WNT11: variants seen among roughly 807,000 people sequenced by gnomAD.
WNT11 encodes the protein protein Wnt-11.
WNT11 carries 20 observed loss-of-function variants against 35.6 expected under a neutral mutation model. That is an observed-to-expected ratio of 0.56 (90% CI 0.40 to 0.82). WNT11 has a LOEUF of 0.82. Ranked by LOEUF, WNT11 falls within the 40% of genes least tolerant of loss-of-function variation. The pLI is 0.00. For missense variants in WNT11, 459 were observed against 504.4 expected, an observed-to-expected ratio of 0.91 and a Z score of 0.86; for synonymous variants, 200 against 211.9, an observed-to-expected ratio of 0.94 and a Z score of 0.49.
chr11:76,200,520 G>T (rs10899176), intron 1 of WNT11, among the ~76,000 whole-genome samples: 49,870 of 152,086 alleles, frequency 0.33, 8,326 homozygotes, highest in Non-Finnish European at 0.37. Context: ...TATGGGCATG[G>T]CCCTTCCCGG....
chr11:76,186,679 CA>C lies in WNT11; in HGVS notation c.*385del, dbSNP rs1953098258. 2.8e-6 allele frequency: 1 copy of C among 359,412 alleles called. No individual in the cohort carries two copies. Among genetic ancestry groups the C allele is most frequent in the South Asian group, 2.2e-5 (1 of 46,340 alleles). The allele number at this position is 359,412 out of a possible 1,614,324, so 22.3% of individuals were successfully genotyped here. A position where few individuals can be genotyped will look rare whatever the true frequency, so the allele number is the denominator to read the frequency against. ...AGCAGGCTCAGACCCCAGGGTGGGC[CA>C]GGGGGTCCCGCAGAACATTCTGAAG... On this transcript the variant is annotated 3_prime_UTR_variant, in exon 5 of 5. Coordinates refer to ENST00000322563, the MANE Select transcript of WNT11 (RefSeq NM_004626.3).
At position 76,194,832 on chromosome 11, in the gene WNT11, G is replaced by T; in HGVS notation, c.332C>A (p.Ser111Ter). 1 of 1,517,874 alleles carries T rather than the reference G, an allele frequency of 6.6e-7. No individual in the cohort carries two copies. Among genetic ancestry groups the T allele is most frequent in the Non-Finnish European group, 8.8e-7 (1 of 1,139,398 alleles). 94.0% of individuals were successfully genotyped at this position (1,517,874 alleles called of 1,614,324 possible). A position where few individuals can be genotyped will look rare whatever the true frequency, so the allele number is the denominator to read the frequency against. ...GGCCGACAGCGCATACACGAAGGCC[G>T]ACTCCCGGGTCCCTGAGGGTGGGAG... Reference protein sequence around the residue: ...LLDLERGTRESAFVYALSAAA... With the variant: ...LLDLERGTRE The change falls in exon 3 of 5, where the codon TCG (serine) becomes TAG (stop). Residue 111 changes from serine to a stop codon, truncating the protein, a stop_gained. Transcript: ENST00000322563. LOFTEE classifies it high-confidence loss of function. The surrounding 1 kb of genome is among the most constrained non-coding windows in gnomAD (Gnocchi z 5.4).
Position 76,187,247 on chromosome 11 carries a change from G to C in WNT11, c.891-8C>G, listed in dbSNP as rs564918906. The C allele has an allele frequency of 1.3e-6, 2 of 1,599,650 alleles. No homozygotes were observed. The highest frequency in any genetic ancestry group is 2.2e-5 in the South Asian group (2 of 91,028). Reference sequence around the variant, plus strand: ...GATGTCTTGTTGCACTGCCTATTGTGGGGGCAGGAAGGAGGTCAGTGCATG... The same window carrying C: ...GATGTCTTGTTGCACTGCCTATTGTCGGGGCAGGAAGGAGGTCAGTGCATG... On this transcript the variant is annotated splice_region_variant and splice_polypyrimidine_tract_variant and intron_variant, in intron 4 of 4. Coordinates refer to ENST00000322563, the MANE Select transcript of WNT11 (RefSeq NM_004626.3).
Position 76,204,477 on chromosome 11 carries a change from G to A in WNT11, c.83+1848C>T, listed in dbSNP as rs142218767. Among the ~76,000 whole-genome samples the A allele has an allele frequency of 6.6e-5, 10 of 152,238 alleles. No individual in the cohort carries two copies. The South Asian group carries it at 8.3e-4, about 13-fold the overall frequency. On this transcript the variant is annotated intron_variant, in intron 1 of 4. Transcript: ENST00000322563. ...GCCTAGGACGCCTGCTTTGCACTCC[G>A]TCTCTGACCATCCAAATCCTCCCTG...
upstream of WNT11, among the ~76,000 whole-genome samples, chr11:76,207,552 T>G (rs1040458504): frequency 6.6e-6 from 1 of 151,634 alleles, no homozygotes; most frequent in African/African-American, 2.4e-5. Context: ...CTCGGGGCCC[T>G]GCTTTCTCGG....
At chr11:76,206,125 CACT>C (rs1953467979) in intron 1 of WNT11, among the ~76,000 whole-genome samples, 197 bp downstream of exon 1, 1 of 150,262 alleles carries the variant, frequency 6.7e-6, no homozygotes, top group Admixed American at 6.7e-5. Flanking sequence ...ACGCCCGTCT[CACT>C]CCCTTTTCGC....
chr11:76,186,370 C>T lies in WNT11; in HGVS notation c.*695G>A, dbSNP rs1465641348. On this transcript the variant is annotated 3_prime_UTR_variant, in exon 5 of 5. Coordinates refer to ENST00000322563, the MANE Select transcript of WNT11 (RefSeq NM_004626.3). Reference sequence around the variant, plus strand: ...TCCCTCTGCCAGCCCCAGGGTCTGCCGAGTTCACTTGACGAGGCCGGGAAC... The same window carrying T: ...TCCCTCTGCCAGCCCCAGGGTCTGCTGAGTTCACTTGACGAGGCCGGGAAC... 5 of 152,012 alleles carry T rather than the reference C, an allele frequency of 3.3e-5. No homozygotes were observed. The highest frequency in any genetic ancestry group is 4.8e-5 in the African/African-American group (2 of 41,378). 9.4% of individuals were successfully genotyped at this position (152,012 alleles called of 1,614,324 possible).
At chr11:76,210,143 G>A (rs1172937291), upstream of WNT11, among the ~76,000 whole-genome samples, 4 of 151,874 alleles carry the variant, frequency 2.6e-5, no homozygotes, top group Non-Finnish European at 5.9e-5. Context: ...CGACTGGGAA[G>A]GAGGGGGTCG....
rs765532771 is a variant in WNT11, at chr11:76,196,540, G to T, written c.262C>A (p.Arg88Ser). ...KACRRAFADM[R>S]WNCSSIELAP... ...AGCTCAATGGAGGAGCAGTTCCAGC[G>T]CATGTCGGCAAAGGCCCGGCGACAG... is the stretch of plus-strand genomic sequence containing the variant. The change falls in exon 2 of 5, where the codon CGC becomes AGC. Residue 88 changes from arginine (R) to serine (S), a missense_variant. Physicochemically the swap from Arg to Ser is moderately radical, Grantham distance 110. Transcript: ENST00000322563. 6.2e-7 allele frequency: 1 copy of T among 1,613,480 alleles called. No homozygotes were observed. The highest frequency in any genetic ancestry group is 8.5e-7 in the Non-Finnish European group (1 of 1,180,060).
chr11:76,207,562 G>C (rs1192176101), upstream of WNT11, among the ~76,000 whole-genome samples: 1 of 152,142 alleles, frequency 6.6e-6, no homozygotes, highest in East Asian at 1.9e-4. Flanking sequence ...TGCTTTCTCG[G>C]TGTGGGAAGG....
At position 76,206,493 on chromosome 11, in the gene WNT11, C is replaced by A; in HGVS notation, c.-86G>T. 7.9e-7 allele frequency: 1 copy of A among 1,262,238 alleles called. No homozygotes were observed. The highest frequency in any genetic ancestry group is 1.6e-5 in the African/African-American group (1 of 64,268). The allele number at this position is 1,262,238 out of a possible 1,614,324, so 78.2% of individuals were successfully genotyped here. The stretch of plus-strand genomic sequence containing the variant: ...CTGCACGGCCGCCGCTGGTCCTGCA[C>A]GCCGCCTGCAGCCGGGGAGAGCGGA... On this transcript the variant is annotated 5_prime_UTR_variant, in exon 1 of 5. Transcript: ENST00000322563.
intron 4 of WNT11, among the ~76,000 whole-genome samples, chr11:76,188,961 G>A (rs756184490): frequency 3.9e-5 from 6 of 152,166 alleles, no homozygotes; most frequent in East Asian, 3.9e-4. Context: ...GGCCTGAGCC[G>A]GAAGGGGCCA....
intron 1 of WNT11, among the ~76,000 whole-genome samples, chr11:76,198,556 C>T (rs770355357): frequency 2.0e-5 from 3 of 152,034 alleles, no homozygotes; most frequent in Non-Finnish European, 4.4e-5. Context: ...AATGCCTTTC[C>T]CCCTGCTTCT....
chr11:76,207,877 C>G (rs779974710), upstream of WNT11, among the ~76,000 whole-genome samples: 1 of 152,210 alleles, frequency 6.6e-6, no homozygotes, highest in Non-Finnish European at 1.5e-5. Context: ...CCCAGCTTCT[C>G]CCAAATTTAC....
chr11:76,195,161 T>C, intron 2 of WNT11: 1 of 375,216 alleles, frequency 2.7e-6, no homozygotes, highest in African/African-American at 2.0e-5. Flanking sequence ...GCCCAGGCTC[T>C]GAGCTCCTGA....
In WNT11 at chr11:76,196,778, A is replaced by G. The variant is rs572299815; in HGVS notation, c.84-60T>C. ...GAGAGACAGGGTTGTCAGGGGCCAC[A>G]TGGCCTCCACCCGCCCTTCTGGCCC... On this transcript the variant is annotated intron_variant, in intron 1 of 4. Transcript: ENST00000322563. The G allele has an allele frequency of 4.7e-6, 7 of 1,505,152 alleles. No individual in the cohort carries two copies. In the South Asian group the frequency reaches 6.2e-5, roughly 13 times the overall value. 93.2% of individuals were successfully genotyped at this position (1,505,152 alleles called of 1,614,324 possible). A position where few individuals can be genotyped will look rare whatever the true frequency, so the allele number is the denominator to read the frequency against.
intron 1 of WNT11, among the ~76,000 whole-genome samples, chr11:76,201,305 C>G (rs1204100917): frequency 6.6e-6 from 1 of 152,238 alleles, no homozygotes; most frequent in Admixed American, 6.5e-5. Flanking sequence ...GGGAGGCCAC[C>G]CGCCCACAGG....
At chr11:76,195,986 TC>T (rs1953278201) in intron 2 of WNT11, among the ~76,000 whole-genome samples, 1 of 152,236 alleles carries the variant, frequency 6.6e-6, no homozygotes, top group Admixed American at 6.5e-5. Flanking sequence ...AGAAGCCACC[TC>T]CTGCAGGAAG....
rs527457228 is a variant in WNT11, at chr11:76,196,349, T to C, written c.319+134A>G. 8.8e-6 allele frequency: 9 copies of C among 1,018,776 alleles called. No homozygotes were observed. The East Asian group carries it at 2.2e-4, about 25-fold the overall frequency. The allele number at this position is 1,018,776 out of a possible 1,614,324, so 63.1% of individuals were successfully genotyped here. ...CATACCCCATCCATCCATGCCTGTATCCACCCGTCATTCATCCATGAATCC... is the reference window on the plus strand; with the variant it reads ...CATACCCCATCCATCCATGCCTGTACCCACCCGTCATTCATCCATGAATCC... On this transcript the variant is annotated intron_variant, in intron 2 of 4. Coordinates refer to ENST00000322563, the MANE Select transcript of WNT11 (RefSeq NM_004626.3).
Sources: allele counts gnomAD v4.1 joint callset (sites outside exome capture counted in the v4.1 genomes callset), GRCh38; gene constraint gnomAD v4.1.1; non-coding constraint Gnocchi (gnomAD v3.1); transcripts MANE v1.5; gene names NCBI Gene and HGNC (gene_info 2026-07-23, HGNC 2026-07-21).